Variants in GLB1L2 observed in about 807,000 individuals in gnomAD.
GLB1L2 encodes the protein beta-galactosidase-1-like protein 2.
A neutral mutation model predicts 84.1 loss-of-function variants in GLB1L2; 68 were observed. The ratio of observed to expected loss-of-function variants is 0.81; its 90% confidence interval spans 0.67 to 0.99. The LOEUF (loss-of-function observed/expected upper bound fraction) is 0.99, where lower values mean the gene tolerates loss of function less well. GLB1L2 is among the 50% of genes least tolerant of loss of function. GLB1L2 has a pLI of 0.00. For synonymous variants in GLB1L2, 290 were observed against 318.0 expected, an observed-to-expected ratio of 0.91 and a Z score of 0.94; for missense variants, 762 against 805.6, an observed-to-expected ratio of 0.95 and a Z score of 0.66.
intron 15 of GLB1L2, 122 bp downstream of exon 15, chr11:134,371,952 TG>T: frequency 1.1e-6 from 1 of 907,966 alleles, no homozygotes; most frequent in Admixed American, 2.0e-5. Context: ...GAGGCTGGGT[TG>T]TCCCATACAT....
In GLB1L2 at chr11:134,332,142, C is replaced by T. The variant is rs7124693; in HGVS notation, c.81C>T (p.Leu27=). The T allele has an allele frequency of 0.23, 363,061 of 1,569,720 alleles. 44,134 individuals are homozygous for T. Among genetic ancestry groups the T allele is most frequent in the African/African-American group, 0.3 (22,008 of 72,892 alleles). The change falls in exon 1 of 19, where the codon CTC becomes CTT. Residue 27 remains leucine (L), a synonymous_variant. Coordinates refer to ENST00000535456, the MANE Select transcript of GLB1L2 (RefSeq NM_001370461.1). ...LLLVVLGFLV[L]RRLDWSTLVP... is the part of the protein sequence containing the mutation. ...TGGTCGTCTTGGGCTTCCTGGTGCT[C>T]CGCAGGTGAGAGAGAGCTTCGCGCA...
In GLB1L2 at chr11:134,370,957, T is replaced by G. The variant is rs1943944370; in HGVS notation, c.1216-51T>G. On this transcript the variant is annotated intron_variant, in intron 12 of 18. Transcript: ENST00000535456. The surrounding 1 kb of genome is among the most constrained non-coding windows in gnomAD (Gnocchi z 4.7). ...CCAGCCCCCAGGCAGAGTCTGTCTG[T>G]GACCCCACTCCTCCTGAGCCTGCCC... The G allele has an allele frequency of 6.2e-7, 1 of 1,606,316 alleles. No individual in the cohort carries two copies. Among genetic ancestry groups the G allele is most frequent in the Non-Finnish European group, 8.5e-7 (1 of 1,176,004 alleles).
At chr11:134,359,262 A>G in intron 7 of GLB1L2, 121 bp downstream of exon 7, 1 of 669,640 alleles carries the variant, frequency 1.5e-6, no homozygotes, top group Non-Finnish European at 2.6e-6. Flanking sequence ...TCTCCCGTGC[A>G]TATGGCACTG....
intron 1 of GLB1L2, among the ~76,000 whole-genome samples, chr11:134,342,069 C>T (rs921163620): frequency 2.6e-5 from 4 of 151,786 alleles, no homozygotes; most frequent in East Asian, 1.9e-4. Context: ...GCACGGCTTT[C>T]GGGAGACAGG....
chr11:134,370,461 G>A lies in GLB1L2; in HGVS notation c.1215+62G>A. The A allele has an allele frequency of 2.3e-6, 3 of 1,331,996 alleles. No individual in the cohort carries two copies. The highest frequency in any genetic ancestry group is 2.1e-6 in the Non-Finnish European group (2 of 931,280). The allele number at this position is 1,331,996 out of a possible 1,614,324, so 82.5% of individuals were successfully genotyped here. A position where few individuals can be genotyped will look rare whatever the true frequency, so the allele number is the denominator to read the frequency against. ...TGCCGGGGGCAGTCGTTGGCAGGGA[G>A]GTGAGTGCTGGGGGCAGTCGTCGGC... On this transcript the variant is annotated intron_variant, in intron 12 of 18. Transcript: ENST00000535456. This position sits in a 1 kb window ranked among gnomAD's most constrained non-coding sequence, Gnocchi z 4.7.
rs375081663 is a variant in GLB1L2, at chr11:134,373,724, T to C, written c.1511T>C (p.Leu504Ser). 7.5e-6 allele frequency: 12 copies of C among 1,608,918 alleles called. No individual in the cohort carries two copies. In the African/African-American group the frequency reaches 1.5e-4, roughly 20 times the overall value. The change falls in exon 16 of 19, where the codon TTA (leucine) becomes TCA (serine). Residue 504 changes from leucine (L) to serine (S), a missense_variant. By Grantham distance (145) the Leu-to-Ser change is moderately radical. This residue lies in a region of GLB1L2 where 603 missense variants were observed against 611.7 expected (regional missense o/e 0.99). Transcript: ENST00000535456. Reference protein sequence around the residue: ...GENIDDQRKGLIGNLYLNDSP... With the variant: ...GENIDDQRKGSIGNLYLNDSP... ...GTGTCCTGCCTCCCTCCCACAGGCTTAATTGGAAATCTCTATCTGAATGAT... is the reference window on the plus strand; with the variant it reads ...GTGTCCTGCCTCCCTCCCACAGGCTCAATTGGAAATCTCTATCTGAATGAT...
intron 8 of GLB1L2, among the ~76,000 whole-genome samples, chr11:134,365,421 CA>C (rs1943856609): frequency 6.6e-6 from 1 of 152,200 alleles, no homozygotes; most frequent in South Asian, 2.1e-4. Flanking sequence ...GGGTGCCTCT[CA>C]TACTTGTGAC....
In GLB1L2 at chr11:134,338,845, A is replaced by G. The variant is rs1186112306; in HGVS notation, c.87-3909A>G. Among the ~76,000 whole-genome samples the G allele has an allele frequency of 6.6e-6, 1 of 152,178 alleles. No homozygotes were observed. The highest frequency in any genetic ancestry group is 1.5e-5 in the Non-Finnish European group (1 of 68,024). The stretch of plus-strand genomic sequence containing the variant: ...AGTCCTGATGTGCCTGCCTTCCTCC[A>G]GGAACCCCACCTTGGACCATGACCA... On this transcript the variant is annotated intron_variant, in intron 1 of 18. Coordinates refer to ENST00000535456, the MANE Select transcript of GLB1L2 (RefSeq NM_001370461.1). The surrounding 1 kb of genome is among the most constrained non-coding windows in gnomAD (Gnocchi z 6.2).
chr11:134,374,071 CT>C, intron 16 of GLB1L2, 73 bp from the exon 17 acceptor site: 2 of 1,141,826 alleles, frequency 1.8e-6, no homozygotes, highest in Non-Finnish European at 2.6e-6. Context: ...GTGTCAGGGC[CT>C]TTTATTTTGC....
rs74325146 is a variant in GLB1L2 at position 134,339,535 on chromosome 11, C to A, written c.87-3219C>A. 0.03 allele frequency among the ~76,000 whole-genome samples: 4,597 copies of A among 152,062 alleles called. 106 individuals carry two copies. The highest frequency in any genetic ancestry group is 0.051 in the South Asian group (245 of 4,794). ...TCCCATGAAGAAACAGTTGAATTCA[C>A]CAGAATTTGGAATTGGATAACAGCT... On this transcript the variant is annotated intron_variant, in intron 1 of 18. Coordinates refer to ENST00000535456, the MANE Select transcript of GLB1L2 (RefSeq NM_001370461.1). The surrounding 1 kb of genome is among the most constrained non-coding windows in gnomAD (Gnocchi z 5.7).
chr11:134,369,960 C>A, intron 11 of GLB1L2, 75 bp downstream of exon 11: 1 of 1,238,404 alleles, frequency 8.1e-7, no homozygotes, highest in African/African-American at 1.5e-5. Context: ...AGAGTTACTT[C>A]CTTACTGTCC....
At chr11:134,344,934 C>G in intron 3 of GLB1L2, 100 bp from the exon 4 acceptor site, 2 of 1,309,802 alleles carry the variant, frequency 1.5e-6, no homozygotes, top group South Asian at 1.5e-5. Flanking sequence ...GCCGTCCCTT[C>G]GCCCCACCAG....
In GLB1L2 at chr11:134,375,294, G is replaced by A; in HGVS notation, c.*236G>A. The A allele has an allele frequency of 2.0e-6, 1 of 495,936 alleles. No individual in the cohort carries two copies. Among genetic ancestry groups the A allele is most frequent in the Non-Finnish European group, 3.6e-6 (1 of 280,516 alleles). The allele number at this position is 495,936 out of a possible 1,614,324, so 30.7% of individuals were successfully genotyped here. ...ATGGCTTTCCTACAGCCCTGCTCTT[G>A]TGCCGAGGCTGTCGGGCTGTCTCTA... On this transcript the variant is annotated 3_prime_UTR_variant, in exon 19 of 19. Transcript: ENST00000535456.
At chr11:134,368,806 C>G (rs775989937) in intron 10 of GLB1L2, 25 bp downstream of exon 10, 42 of 1,611,098 alleles carry the variant, frequency 2.6e-5, no homozygotes, top group African/African-American at 4.0e-5. Context: ...GCACTGCTCT[C>G]CCTGGTCTGC....
At chr11:134,368,815 G>T in intron 10 of GLB1L2, 34 bp downstream of exon 10, 2 of 1,609,996 alleles carry the variant, frequency 1.2e-6, no homozygotes, top group Middle Eastern at 1.7e-4. Flanking sequence ...TCCCTGGTCT[G>T]CCCTGCATGG....
In GLB1L2 at chr11:134,338,358, C is replaced by T. The variant is rs1211716216; in HGVS notation, c.87-4396C>T. Reference sequence around the variant, plus strand: ...CCTGGCACACTTCACTCAAGGAGATCCTTTCTGGTGGTGACAGGATCTGGC... The same window carrying T: ...CCTGGCACACTTCACTCAAGGAGATTCTTTCTGGTGGTGACAGGATCTGGC... On this transcript the variant is annotated intron_variant, in intron 1 of 18. Transcript: ENST00000535456. The surrounding 1 kb of genome is among the most constrained non-coding windows in gnomAD (Gnocchi z 6.2). Among the ~76,000 whole-genome samples, 10 of 152,208 alleles carry T rather than the reference C, an allele frequency of 6.6e-5. No homozygotes were observed. Among genetic ancestry groups the T allele is most frequent in the Admixed American group, 6.5e-4 (10 of 15,294 alleles).
chr11:134,373,430 A>G (rs1173773002), intron 15 of GLB1L2, among the ~76,000 whole-genome samples: 2 of 152,158 alleles, frequency 1.3e-5, no homozygotes, highest in South Asian at 4.1e-4. Context: ...TCCTTCAGAG[A>G]GAGGCCAGAG....
At chr11:134,356,119 C>G (rs377609925) in intron 5 of GLB1L2, 182 bp from the exon 6 acceptor site, 25 of 699,308 alleles carry the variant, frequency 3.6e-5, no homozygotes, top group East Asian at 5.4e-5. Flanking sequence ...GAGTTGTTTT[C>G]TTGATGTTTT....
rs145558335 is a variant in GLB1L2 at position 134,375,342 on chromosome 11, C to A, written c.*284C>A. On this transcript the variant is annotated 3_prime_UTR_variant, in exon 19 of 19. Coordinates refer to ENST00000535456, the MANE Select transcript of GLB1L2 (RefSeq NM_001370461.1). Reference sequence around the variant, plus strand: ...CTAGGGTGGGAGCAGCTAATCAGATCGCCCAGCCTTTGGCCCTCAGAAAAA... The same window carrying A: ...CTAGGGTGGGAGCAGCTAATCAGATAGCCCAGCCTTTGGCCCTCAGAAAAA... 1.0e-5 allele frequency: 4 copies of A among 389,276 alleles called. No individual in the cohort carries two copies. The highest frequency in any genetic ancestry group is 1.4e-5 in the Non-Finnish European group (3 of 218,524). 24.1% of individuals were successfully genotyped at this position (389,276 alleles called of 1,614,324 possible). A position where few individuals can be genotyped will look rare whatever the true frequency, so the allele number is the denominator to read the frequency against.
Sources: gnomAD v4.1 joint callset for allele counts (sites outside exome capture counted in the v4.1 genomes callset) on GRCh38, gnomAD v4.1.1 for gene constraint, gnomAD v4.1.1 regional missense constraint, Gnocchi (gnomAD v3.1) non-coding constraint, MANE v1.5 for transcripts, NCBI Gene and HGNC (gene_info 2026-07-23, HGNC 2026-07-21) for gene names.